Variants in ADAMTS3 observed in about 807,000 individuals in gnomAD.
ADAMTS3 encodes the protein A disintegrin and metalloproteinase with thrombospondin motifs 3.
A neutral mutation model predicts 129.0 loss-of-function variants in ADAMTS3; 73 were observed. That is an observed-to-expected ratio of 0.57 (90% CI 0.47 to 0.69). The LOEUF is 0.69. Among genes scored for constraint, ADAMTS3 ranks in the 30% least tolerant of loss-of-function variants. The pLI, the probability that ADAMTS3 is intolerant of heterozygous loss-of-function variation, is 0.00. For synonymous variants in ADAMTS3, 477 were observed against 510.8 expected (o/e 0.93, Z 0.89); for missense variants, 1,457 against 1,514.5 (o/e 0.96, Z 0.63).
chr4:72,312,196 A>G (rs1290220169), intron 13 of ADAMTS3, 95 bp downstream of exon 13: 4 of 1,377,854 alleles, frequency 2.9e-6, no homozygotes, highest in Admixed American at 3.7e-5. Context: ...CTAAGTTACC[A>G]CATAGGGATC....
intron 5 of ADAMTS3, among the ~76,000 whole-genome samples, chr4:72,328,898 C>G (rs1719766116): frequency 6.6e-6 from 1 of 152,130 alleles, no homozygotes; most frequent in African/African-American, 2.4e-5. Context: ...CTATCTCTTA[C>G]GTAGGTAAAA....
chr4:72,426,250 G>C (rs1246475826), intron 3 of ADAMTS3, among the ~76,000 whole-genome samples: 1 of 152,128 alleles, frequency 6.6e-6, no homozygotes, highest in Non-Finnish European at 1.5e-5. Flanking sequence ...TGTCAGATGA[G>C]TAGATTGCAA....
At chr4:72,420,629 G>C (rs1722420351) in intron 3 of ADAMTS3, among the ~76,000 whole-genome samples, 1 of 152,048 alleles carries the variant, frequency 6.6e-6, no homozygotes, top group Non-Finnish European at 1.5e-5. Flanking sequence ...ATTACTTCTT[G>C]GTCTGCTTTG....
rs368999399 is a variant in ADAMTS3, at chr4:72,312,472, G to T, written c.1746-6C>A. The T allele has an allele frequency of 1.9e-6, 3 of 1,612,632 alleles. No individual in the cohort carries two copies. In the African/African-American group the frequency reaches 4.0e-5, roughly 22 times the overall value. ...CCTGACCACCATTGATGGGCCTAAA[G>T]AAAAGACAACATTTAAAAAGGCCTT... On this transcript the variant is annotated splice_region_variant and splice_polypyrimidine_tract_variant and intron_variant, in intron 12 of 21. Transcript: ENST00000286657.
intron 12 of ADAMTS3, 108 bp from the exon 13 acceptor site, chr4:72,312,574 A>G (rs1036222076): frequency 3.9e-6 from 4 of 1,038,716 alleles, no homozygotes; most frequent in African/African-American, 3.2e-5. Context: ...GGCTGCCAGC[A>G]CAAAGTGAAT....
At chr4:72,334,845 T>C (rs1719949740) in intron 5 of ADAMTS3, among the ~76,000 whole-genome samples, 1 of 152,170 alleles carries the variant, frequency 6.6e-6, no homozygotes, top group African/African-American at 2.4e-5. Context: ...ACCTTGGATA[T>C]GTTCATATCC....
chr4:72,403,916 C>T (rs1215123461), intron 4 of ADAMTS3, among the ~76,000 whole-genome samples: 1 of 151,592 alleles, frequency 6.6e-6, no homozygotes, highest in African/African-American at 2.4e-5. Flanking sequence ...ACTTAATAAT[C>T]AGCCCTCAGA....
intron 3 of ADAMTS3, among the ~76,000 whole-genome samples, chr4:72,486,403 G>C (rs1195921009): frequency 6.6e-6 from 1 of 152,144 alleles, no homozygotes. Context: ...CTTGTACAGA[G>C]AGGCCTATCT....
intron 3 of ADAMTS3, among the ~76,000 whole-genome samples, chr4:72,534,326 CAA>C (rs892023288): frequency 2.4e-5 from 3 of 123,126 alleles, no homozygotes; most frequent in Admixed American, 8.5e-5. Context: ...GACTCCGTCT[CAA>C]AAAAAAAAAA....
intron 3 of ADAMTS3, among the ~76,000 whole-genome samples, chr4:72,514,876 G>A (rs146788692): frequency 0.037 from 5,561 of 151,588 alleles, 120 homozygotes; most frequent in Non-Finnish European, 0.048. Context: ...GGGTACATGT[G>A]CACAATGTGC....
intron 19 of ADAMTS3, among the ~76,000 whole-genome samples, chr4:72,291,282 G>T (rs559862201): frequency 1.3e-5 from 2 of 151,958 alleles, no homozygotes; most frequent in African/African-American, 4.8e-5. Context: ...TTAAGTTTTA[G>T]GGTACATGTG....
At chr4:72,568,100 G>C (rs1474737524) in intron 1 of ADAMTS3, 9 of 153,196 alleles carry the variant, frequency 5.9e-5, no homozygotes, top group Admixed American at 1.9e-4. Flanking sequence ...CCAGGAAAAC[G>C]GAGGGCAGGA....
At chr4:72,511,536 A>C (rs1463985413) in intron 3 of ADAMTS3, among the ~76,000 whole-genome samples, 1 of 152,352 alleles carries the variant, frequency 6.6e-6, no homozygotes, top group South Asian at 2.1e-4. Flanking sequence ...ACTGATCATC[A>C]GAGAAATGCA....
chr4:72,489,618 C>T (rs1420014009), intron 3 of ADAMTS3, among the ~76,000 whole-genome samples: 1 of 151,934 alleles, frequency 6.6e-6, no homozygotes, highest in Non-Finnish European at 1.5e-5. Context: ...AATAACCTAA[C>T]ACTACATCTC....
chr4:72,527,795 G>A (rs1448783202), intron 3 of ADAMTS3, among the ~76,000 whole-genome samples: 1 of 152,134 alleles, frequency 6.6e-6, no homozygotes, highest in Admixed American at 6.6e-5. Flanking sequence ...CCGAGCTCTG[G>A]GTACCAAGAG....
intron 3 of ADAMTS3, among the ~76,000 whole-genome samples, chr4:72,528,187 T>C (rs1720863462): frequency 6.6e-6 from 1 of 151,470 alleles, no homozygotes; most frequent in Admixed American, 6.6e-5. Context: ...AATATTTTTA[T>C]GATCTCTCTT....
At chr4:72,312,583 A>G in intron 12 of ADAMTS3, 117 bp from the exon 13 acceptor site, 1 of 881,282 alleles carries the variant, frequency 1.1e-6, no homozygotes, top group Non-Finnish European at 1.7e-6. Flanking sequence ...CACAAAGTGA[A>G]TGAACTCATA....
At chr4:72,303,707 C>A (rs1339663278) in intron 17 of ADAMTS3, among the ~76,000 whole-genome samples, 2 of 152,034 alleles carry the variant, frequency 1.3e-5, no homozygotes, top group African/African-American at 4.8e-5. Flanking sequence ...AATCAGAATG[C>A]TGCATTATTC....
intron 4 of ADAMTS3, among the ~76,000 whole-genome samples, chr4:72,374,803 G>A (rs1471447256): frequency 6.6e-6 from 1 of 152,094 alleles, no homozygotes; most frequent in Non-Finnish European, 1.5e-5. Flanking sequence ...AACAGAAATG[G>A]ATAGCAAAGA....
Sources: gnomAD v4.1 joint callset for allele counts (sites outside exome capture counted in the v4.1 genomes callset) on GRCh38, gnomAD v4.1.1 for gene constraint, MANE v1.5 for transcripts, NCBI Gene and HGNC (gene_info 2026-07-23, HGNC 2026-07-21) for gene names.